The following C12orf54 variants were observed in gnomAD, a reference collection of about 807,000 sequenced individuals.
C12orf54 encodes the protein chromosome 12 open reading frame 54, also known as uncharacterized protein C12orf54.
Under a neutral mutation model 26.4 loss-of-function variants are expected in C12orf54, and 24 were observed. The ratio of observed to expected loss-of-function variants is 0.91; its 90% CI spans 0.66 to 1.28. C12orf54 has a LOEUF of 1.28. Ranked by LOEUF, C12orf54 falls within the 50% of genes most tolerant of loss-of-function variation. C12orf54 has a pLI of 0.00. For synonymous variants in C12orf54, 54 were observed against 47.0 expected (o/e 1.15, Z -0.61); for missense variants, 154 against 150.9 (o/e 1.02, Z -0.11).
intron 4 of C12orf54, chr12:48,487,999 G>A (rs774821868): frequency 1.2e-6 from 1 of 837,702 alleles, no homozygotes; most frequent in Admixed American, 1.7e-5. Context: ...TTTTTAAGGA[G>A]AGTCATGGTG....
At chr12:48,493,554 G>T (rs1007701874) in intron 7 of C12orf54, among the ~76,000 whole-genome samples, 19 of 150,158 alleles carry the variant, frequency 1.3e-4, no homozygotes, top group African/African-American at 4.4e-4. Context: ...TGGGGAGGTG[G>T]AGACTGCAGT....
Position 48,488,906 on chromosome 12 carries a change from A to G in C12orf54, c.136-18A>G. ...TCATCTACAATATTATTTTTTCTAT[A>G]TTTTTGTCTTCTGTCAGGTGCTGAC... On this transcript the variant is annotated intron_variant, in intron 4 of 8. Coordinates refer to ENST00000548364, the MANE Select transcript of C12orf54 (RefSeq NM_152319.4). 1 of 1,582,508 alleles carries G rather than the reference A, an allele frequency of 6.3e-7. No homozygotes were observed. Among genetic ancestry groups the G allele is most frequent in the South Asian group, 1.1e-5 (1 of 89,708 alleles).
chr12:48,434,574 A>C, the C12orf54 span, among the ~76,000 whole-genome samples: 3 of 152,168 alleles, frequency 2.0e-5, no homozygotes, highest in Non-Finnish European at 4.4e-5. Context: ...CTTCCAGAGG[A>C]ATGATCAGGC....
the C12orf54 span, among the ~76,000 whole-genome samples, chr12:48,429,930 G>A: frequency 6.6e-6 from 1 of 152,154 alleles, no homozygotes; most frequent in Admixed American, 6.6e-5. Flanking sequence ...TAGGACCGTA[G>A]TCACCAAAAC....
chr12:48,444,429 C>G, the C12orf54 span, among the ~76,000 whole-genome samples: 6 of 152,132 alleles, frequency 3.9e-5, no homozygotes, highest in Non-Finnish European at 8.8e-5. Context: ...GCCCCATTCA[C>G]CAGCACTAGA....
the C12orf54 span, among the ~76,000 whole-genome samples, chr12:48,452,887 G>A: frequency 6.6e-6 from 1 of 152,154 alleles, no homozygotes; most frequent in East Asian, 1.9e-4. Flanking sequence ...TTACACCGTT[G>A]GTGGGAGTGT....
the C12orf54 span, among the ~76,000 whole-genome samples, chr12:48,424,586 T>C: frequency 6.6e-6 from 1 of 152,058 alleles, no homozygotes; most frequent in East Asian, 1.9e-4. Context: ...GCAATTGAAA[T>C]CCTCATATGT....
chr12:48,423,454 T>C, the C12orf54 span, among the ~76,000 whole-genome samples: 1 of 152,088 alleles, frequency 6.6e-6, no homozygotes, highest in Non-Finnish European at 1.5e-5. Flanking sequence ...ATAGGCAAAC[T>C]ACAGGAGTGT....
chr12:48,434,042 G>C, the C12orf54 span, among the ~76,000 whole-genome samples: 2 of 152,150 alleles, frequency 1.3e-5, no homozygotes, highest in African/African-American at 4.8e-5. Flanking sequence ...ATGGCACCTG[G>C]AAAATCGGGT....
At chr12:48,448,330 G>A in the C12orf54 span, among the ~76,000 whole-genome samples, 1 of 152,148 alleles carries the variant, frequency 6.6e-6, no homozygotes, top group South Asian at 2.1e-4. Flanking sequence ...TATTACACAT[G>A]TCTGTTTTTA....
chr12:48,492,108 G>A (rs558884881), intron 6 of C12orf54, among the ~76,000 whole-genome samples: 23 of 152,332 alleles, frequency 1.5e-4, no homozygotes, highest in African/African-American at 5.3e-4. Context: ...AAGAGACAGG[G>A]AGAGGAGGAA....
At chr12:48,433,875 G>A in the C12orf54 span, among the ~76,000 whole-genome samples, 51,051 of 152,094 alleles carry the variant, frequency 0.34, 10,648 homozygotes, top group Middle Eastern at 0.5. Context: ...TCCATCTGAG[G>A]TACTGGGTTC....
chr12:48,421,556 G>A, the C12orf54 span, among the ~76,000 whole-genome samples: 2 of 122,934 alleles, frequency 1.6e-5, no homozygotes, highest in African/African-American at 3.1e-5. Context: ...GGAGGATGGA[G>A]TCTCACCCTG....
At chr12:48,414,043 T>C in the C12orf54 span, among the ~76,000 whole-genome samples, 3 of 152,216 alleles carry the variant, frequency 2.0e-5, no homozygotes, top group Non-Finnish European at 4.4e-5. Flanking sequence ...CAAAATCTGA[T>C]AAATGAAGGA....
At chr12:48,488,902 C>A (rs756962709) in intron 4 of C12orf54, 22 bp from the exon 5 acceptor site, 1 of 1,570,814 alleles carries the variant, frequency 6.4e-7, no homozygotes, top group South Asian at 1.1e-5. Flanking sequence ...ATTATTTTTT[C>A]TATATTTTTG....
the C12orf54 span, among the ~76,000 whole-genome samples, chr12:48,451,759 T>C: frequency 3.9e-5 from 6 of 152,048 alleles, no homozygotes; most frequent in South Asian, 1.2e-3. Flanking sequence ...ATGAATAAAA[T>C]ACCTAGGAAT....
chr12:48,463,218 T>C, the C12orf54 span, among the ~76,000 whole-genome samples: 2 of 151,720 alleles, frequency 1.3e-5, no homozygotes, highest in Non-Finnish European at 3.0e-5. Context: ...CTATGAAATA[T>C]AGCTTAAAGA....
chr12:48,472,564 C>A, the C12orf54 span: 10 of 1,394,552 alleles, frequency 7.2e-6, no homozygotes, highest in African/African-American at 1.4e-5. Context: ...TTTCGGAGAA[C>A]CCAGCAGAGC....
At chr12:48,488,873 T>C in intron 4 of C12orf54, 51 bp from the exon 5 acceptor site, 8 of 1,462,138 alleles carry the variant, frequency 5.5e-6, no homozygotes, top group Non-Finnish European at 7.7e-6. Flanking sequence ...CCCTCTGTAA[T>C]AAAGTGATCA....
Sources: gnomAD v4.1 joint callset for allele counts (sites outside exome capture counted in the v4.1 genomes callset) on GRCh38, gnomAD v4.1.1 for gene constraint, MANE v1.5 for transcripts, NCBI Gene and HGNC (gene_info 2026-07-23, HGNC 2026-07-21) for gene names.